KIR3DL1: variants seen among roughly 807,000 people sequenced by gnomAD.
The protein encoded by KIR3DL1 is killer cell immunoglobulin like receptor, three Ig domains and long cytoplasmic tail 1, also known as killer cell immunoglobulin-like receptor 3DL1.
KIR3DL1 carries 50 observed loss-of-function variants against 40.3 expected under a neutral mutation model. The ratio of observed to expected loss-of-function variants is 1.24; its 90% CI spans 0.99 to 1.57. KIR3DL1 has a LOEUF of 1.57. KIR3DL1 is among the 40% of genes most tolerant of loss of function. KIR3DL1 has a pLI of 0.00. For missense variants in KIR3DL1, 661 were observed against 559.9 expected, an observed-to-expected ratio of 1.18 and a Z score of -1.82; for synonymous variants, 257 against 207.2, an observed-to-expected ratio of 1.24 and a Z score of -2.07.
At chr19:54,819,270 C>G (rs1181529871) in intron 3 of KIR3DL1, among the ~76,000 whole-genome samples, 1 of 134,836 alleles carries the variant, frequency 7.4e-6, no homozygotes, top group Non-Finnish European at 1.7e-5. Context: ...GTTAGGAAAC[C>G]AAACAAGGAT....
chr19:54,823,113 C>A (rs548205374), intron 5 of KIR3DL1, among the ~76,000 whole-genome samples: 1 of 150,588 alleles, frequency 6.6e-6, no homozygotes, highest in Non-Finnish European at 1.5e-5. Context: ...TGGCTCATTG[C>A]AACCTGTGCC....
At chr19:54,821,575 G>A (rs2061636191) in exon 5 of KIR3DL1, 1 of 1,606,246 alleles carries the variant, frequency 6.2e-7, no homozygotes, top group South Asian at 1.1e-5. Flanking sequence ...GTCCATATGA[G>A]AAACCTTCTC....
At chr19:54,817,833 G>A (rs1183288022) in intron 2 of KIR3DL1, among the ~76,000 whole-genome samples, 1 of 148,740 alleles carries the variant, frequency 6.7e-6, no homozygotes, top group Admixed American at 6.7e-5. Context: ...AGAGAGGGAA[G>A]CAGTGCTAGG....
chr19:54,829,620 G>A (rs1186984720), intron 7 of KIR3DL1, among the ~76,000 whole-genome samples, 155 bp downstream of exon 7: 1 of 141,138 alleles, frequency 7.1e-6, no homozygotes, highest in African/African-American at 2.5e-5. Flanking sequence ...CAGACTCCCT[G>A]CCCCTGCCTT....
rs190276547 is a variant in KIR3DL1, at chr19:54,829,986, T to G, written c.1158+6T>G. 275 of 1,528,440 alleles carry G rather than the reference T, an allele frequency of 1.8e-4. 50 individuals are homozygous for G. The East Asian group carries it at 3.9e-3, about 22-fold the overall frequency. The allele number at this position is 1,528,440 out of a possible 1,614,324, so 94.7% of individuals were successfully genotyped here. ...ACAGAACAGCCAACAGCGAGGTAGG[T>G]GCTCCTCGGCCCAGCCTCGTGGCTA... On this transcript the variant is annotated splice_donor_region_variant and intron_variant, in intron 8 of 8. Transcript: ENST00000391728.
intron 1 of KIR3DL1, among the ~76,000 whole-genome samples, chr19:54,816,966 T>TATGGGCCTGGAGTGGAGAG (rs2061375420): frequency 7.4e-6 from 1 of 135,652 alleles, no homozygotes; most frequent in Non-Finnish European, 1.5e-5. Context: ...GGAGTGGAGA[T>TATGGGCCTGGAGTGGAGAG]ATGGGCCTAG....
chr19:54,818,604 G>A lies in KIR3DL1; in HGVS notation c.355+5G>A. The A allele has an allele frequency of 1.2e-6, 2 of 1,606,798 alleles. No homozygotes were observed. Among genetic ancestry groups the A allele is most frequent in the Non-Finnish European group, 1.7e-6 (2 of 1,178,980 alleles). The stretch of plus-strand genomic sequence containing the variant: ...CCGTGGTGATCATGGTCACAGGTCA[G>A]AGGCTTTCCGTCTGGGCTTCTCACT... On this transcript the variant is annotated splice_donor_5th_base_variant and intron_variant, in intron 3 of 8. Coordinates refer to ENST00000391728, the Ensembl canonical transcript of KIR3DL1.
chr19:54,816,697 T>C (rs1601286175), intron 1 of KIR3DL1, among the ~76,000 whole-genome samples, 163 bp downstream of exon 1: 1 of 136,916 alleles, frequency 7.3e-6, no homozygotes, highest in African/African-American at 2.9e-5. Context: ...GGAGTGGAGA[T>C]AGGGGCCTGG....
Position 54,826,418 on chromosome 19 carries a change from G to A in KIR3DL1, c.1000+1340G>A, listed in dbSNP as rs1484205579. 1.8e-4 allele frequency among the ~76,000 whole-genome samples: 27 copies of A among 148,138 alleles called. No homozygotes were observed. In the South Asian group the frequency reaches 5.9e-3, roughly 32 times the overall value. The stretch of plus-strand genomic sequence containing the variant: ...CAACCTGCGTCTCCTGGATCCAAGT[G>A]ATTCTCCTGCCTCACCCTCTCGAGT... On this transcript the variant is annotated intron_variant, in intron 6 of 8. Transcript: ENST00000391728.
chr19:54,822,118 G>A (rs1263741512), intron 5 of KIR3DL1, among the ~76,000 whole-genome samples: 1 of 150,956 alleles, frequency 6.6e-6, no homozygotes, highest in Non-Finnish European at 1.5e-5. Context: ...GGGGAGACTG[G>A]GCTTAGTTTG....
At position 54,819,079 on chromosome 19, in the gene KIR3DL1, C is replaced by T. The variant is rs977237947; in HGVS notation, c.355+480C>T. ...GCTGGAGAAGTCAAGAGAACTGATT[C>T]GCTGATTCTCCAGAGGGAACGCAGC... On this transcript the variant is annotated intron_variant, in intron 3 of 8. Coordinates refer to ENST00000391728, the Ensembl canonical transcript of KIR3DL1. Among the ~76,000 whole-genome samples, 11 of 151,242 alleles carry T rather than the reference C, an allele frequency of 7.3e-5. 1 individual carries two copies. Among genetic ancestry groups the T allele is most frequent in the African/African-American group, 2.4e-4 (10 of 40,948 alleles).
intron 5 of KIR3DL1, among the ~76,000 whole-genome samples, chr19:54,823,204 T>C (rs150769016): frequency 0.013 from 1,927 of 150,844 alleles, 51 homozygotes; most frequent in Non-Finnish European, 0.017. Context: ...CTGGCTAATT[T>C]TTGTATTTTT....
At chr19:54,821,190 TGATA>T (rs199813323) in intron 4 of KIR3DL1, among the ~76,000 whole-genome samples, 1,788 of 142,846 alleles carry the variant, frequency 0.013, 50 homozygotes, top group Middle Eastern at 0.028. Flanking sequence ...TAAATATAGA[TGATA>T]GATAATTTGT....
exon 4 of KIR3DL1, chr19:54,819,751 C>G: frequency 3.1e-6 from 5 of 1,610,182 alleles, no homozygotes; most frequent in Non-Finnish European, 4.2e-6. Flanking sequence ...CCACCCAGGT[C>G]CCCTGGTGAA....
intron 2 of KIR3DL1, 50 bp from the exon 3 acceptor site, chr19:54,818,265 G>A (rs2061448985): frequency 5.1e-6 from 8 of 1,560,174 alleles, no homozygotes; most frequent in Non-Finnish European, 7.0e-6. Context: ...CTGGGAGTGA[G>A]GGGCGGCTCC....
chr19:54,819,993 C>T, exon 4 of KIR3DL1: 1 of 1,610,678 alleles, frequency 6.2e-7, no homozygotes, highest in Non-Finnish European at 8.5e-7. Context: ...CCAGTGATCC[C>T]CTGGACATCG....
chr19:54,818,038 C>T (rs1460105395), intron 2 of KIR3DL1, among the ~76,000 whole-genome samples: 4 of 148,866 alleles, frequency 2.7e-5, no homozygotes, highest in Non-Finnish European at 5.9e-5. Flanking sequence ...AGGACTTGCC[C>T]TCCATGCCGT....
intron 1 of KIR3DL1, among the ~76,000 whole-genome samples, chr19:54,817,122 TG>T (rs2061385505): frequency 7.0e-6 from 1 of 142,430 alleles, no homozygotes; most frequent in Admixed American, 7.0e-5. Context: ...AAAGGAGATA[TG>T]GGCCTGGAGA....
At position 54,822,957 on chromosome 19, in the gene KIR3DL1, C is replaced by T. The variant is rs1282816836; in HGVS notation, c.949+1099C>T. On this transcript the variant is annotated intron_variant, in intron 5 of 8. Transcript: ENST00000391728. ...GGAACAGTCATATGAGTGCAGATAT[C>T]ACTTCGATACACTGATGTCCTTTCC... Among the ~76,000 whole-genome samples, 7 of 148,824 alleles carry T rather than the reference C, an allele frequency of 4.7e-5. 1 individual carries two copies. The highest frequency in any genetic ancestry group is 1.0e-4 in the Non-Finnish European group (7 of 67,248).
Sources: allele counts gnomAD v4.1 joint callset (sites outside exome capture counted in the v4.1 genomes callset), GRCh38; gene constraint gnomAD v4.1.1; transcripts MANE v1.5; gene names NCBI Gene and HGNC (gene_info 2026-07-23, HGNC 2026-07-21).